The following AUTS2 variants were observed in gnomAD, a reference collection of about 807,000 sequenced individuals.
AUTS2 encodes the protein autism susceptibility gene 2 protein.
A neutral mutation model predicts 112.4 loss-of-function variants in AUTS2; 17 were observed. The ratio of observed to expected loss-of-function variants is 0.15; its 90% CI spans 0.10 to 0.23. The LOEUF (loss-of-function observed/expected upper bound fraction) is 0.23, where lower values mean the gene tolerates loss of function less well. Among genes scored for constraint, AUTS2 ranks in the 10% least tolerant of loss-of-function variants. The probability of loss-of-function intolerance (pLI) is 1.00; values close to 1 mark genes in which losing one functional copy is unlikely to be tolerated. For synonymous variants in AUTS2, 751 were observed against 702.7 expected (o/e 1.07, Z -1.09); for missense variants, 1,510 against 1,701.6 (o/e 0.89, Z 1.98).
chr7:70,276,620 C>G (rs1787942402), intron 4 of AUTS2, among the ~76,000 whole-genome samples: 1 of 152,118 alleles, frequency 6.6e-6, no homozygotes, highest in South Asian at 2.1e-4. Context: ...TTCAGGTGAC[C>G]TGCCTGCCTC....
chr7:69,755,293 C>A (rs1284300118), intron 1 of AUTS2, among the ~76,000 whole-genome samples: 4 of 152,172 alleles, frequency 2.6e-5, no homozygotes, highest in Non-Finnish European at 5.9e-5. Context: ...TGAGATGGCA[C>A]AAAGCACCGT....
intron 5 of AUTS2, among the ~76,000 whole-genome samples, chr7:70,641,148 C>G (rs1805807129): frequency 6.6e-6 from 1 of 152,182 alleles, no homozygotes; most frequent in South Asian, 2.1e-4. Flanking sequence ...TCAAGCTGTT[C>G]CTCTGGCTCA....
chr7:69,963,672 A>G (rs969533900), intron 2 of AUTS2, among the ~76,000 whole-genome samples: 3 of 152,186 alleles, frequency 2.0e-5, no homozygotes, highest in African/African-American at 7.2e-5. Context: ...CTATGAGCCT[A>G]TTTAATTCTT....
intron 5 of AUTS2, among the ~76,000 whole-genome samples, chr7:70,523,548 G>A (rs1799725411): frequency 6.6e-6 from 1 of 152,176 alleles, no homozygotes; most frequent in African/African-American, 2.4e-5. Context: ...CCTAGGTGGA[G>A]CTGCAGGAAT....
chr7:70,676,986 T>G (rs924066317), intron 5 of AUTS2, among the ~76,000 whole-genome samples: 5 of 152,226 alleles, frequency 3.3e-5, no homozygotes, highest in Admixed American at 3.3e-4. Context: ...GTTTAGAACT[T>G]AACATTTAAT....
At chr7:70,192,873 G>A (rs973778197) in intron 4 of AUTS2, among the ~76,000 whole-genome samples, 1 of 152,162 alleles carries the variant, frequency 6.6e-6, no homozygotes, top group African/African-American at 2.4e-5. Flanking sequence ...GAGTCAAAAT[G>A]ATAAAGGGAG....
At chr7:69,751,448 G>A (rs969596035) in intron 1 of AUTS2, among the ~76,000 whole-genome samples, 1 of 152,170 alleles carries the variant, frequency 6.6e-6, no homozygotes, top group Non-Finnish European at 1.5e-5. Context: ...AGGTGACAGG[G>A]ACTTACTTTT....
intron 2 of AUTS2, among the ~76,000 whole-genome samples, chr7:69,907,559 G>A (rs1795196609): frequency 1.3e-5 from 2 of 152,118 alleles, no homozygotes; most frequent in Admixed American, 1.3e-4. Context: ...TAAAAGCTAT[G>A]CAATTTGTTA....
In AUTS2 at chr7:69,995,938, G is replaced by C. The variant is rs563166041; in HGVS notation, c.522+96440G>C. Among the ~76,000 whole-genome samples the C allele has an allele frequency of 2.0e-5, 3 of 152,274 alleles. No homozygotes were observed. In the East Asian group the frequency reaches 5.8e-4, roughly 29 times the overall value. On this transcript the variant is annotated intron_variant, in intron 2 of 18. Coordinates refer to ENST00000342771, the MANE Select transcript of AUTS2 (RefSeq NM_015570.4). ...CTCTCAAATTTTCTCTTTCTCTAAG[G>C]TGGGTCCAGTAATGCGAGTCGGCAG...
At chr7:69,954,925 T>C (rs1210623841) in intron 2 of AUTS2, among the ~76,000 whole-genome samples, 6 of 152,152 alleles carry the variant, frequency 3.9e-5, no homozygotes, top group Non-Finnish European at 8.8e-5. Flanking sequence ...ATTTTGGGGG[T>C]TGTCTGTAAG....
chr7:69,968,453 C>T (rs1002242458), intron 2 of AUTS2, among the ~76,000 whole-genome samples: 2 of 152,094 alleles, frequency 1.3e-5, no homozygotes, highest in African/African-American at 4.8e-5. Flanking sequence ...TCTTCACTTA[C>T]CGGGGCTGTT....
chr7:69,618,993 G>A (rs941989663), intron 1 of AUTS2, among the ~76,000 whole-genome samples: 2 of 152,116 alleles, frequency 1.3e-5, no homozygotes, highest in African/African-American at 4.8e-5. Context: ...GCTCCCCAAG[G>A]CGAGGATTCT....
At chr7:70,486,660 G>A (rs1261120545) in intron 5 of AUTS2, among the ~76,000 whole-genome samples, 1 of 152,198 alleles carries the variant, frequency 6.6e-6, no homozygotes, top group Non-Finnish European at 1.5e-5. Context: ...TTGGGAGGCT[G>A]AGGTGGGAGG....
chr7:70,397,782 A>C (rs1794153580), intron 4 of AUTS2, among the ~76,000 whole-genome samples: 1 of 152,004 alleles, frequency 6.6e-6, no homozygotes, highest in South Asian at 2.1e-4. Context: ...CCAATTAATT[A>C]ATTTATTCTT....
chr7:70,226,076 T>A (rs1811747591), intron 4 of AUTS2, among the ~76,000 whole-genome samples: 1 of 152,222 alleles, frequency 6.6e-6, no homozygotes, highest in Non-Finnish European at 1.5e-5. Context: ...AAATGTCTAT[T>A]CATTCTTGAC....
intron 4 of AUTS2, among the ~76,000 whole-genome samples, chr7:70,337,298 C>A (rs1186896380): frequency 6.6e-6 from 1 of 152,170 alleles, no homozygotes; most frequent in Non-Finnish European, 1.5e-5. Flanking sequence ...CTTCAAAATA[C>A]CAAATGATAA....
intron 1 of AUTS2, among the ~76,000 whole-genome samples, chr7:69,767,649 A>G (rs1207370595): frequency 6.6e-6 from 1 of 152,170 alleles, no homozygotes; most frequent in Non-Finnish European, 1.5e-5. Context: ...GCCAGGTATG[A>G]CCAACCCATT....
intron 4 of AUTS2, among the ~76,000 whole-genome samples, chr7:70,276,509 G>T (rs1420729810): frequency 6.6e-6 from 1 of 151,712 alleles, no homozygotes; most frequent in African/African-American, 2.4e-5. Flanking sequence ...CTCCCGAGTA[G>T]CTGGGATTAG....
At chr7:70,728,497 T>C (rs1321413734) in intron 6 of AUTS2, among the ~76,000 whole-genome samples, 17 of 151,974 alleles carry the variant, frequency 1.1e-4, no homozygotes, top group Admixed American at 1.1e-3. Context: ...TCACCTGAGA[T>C]CAGGAGTTCG....
Sources: allele counts gnomAD v4.1 joint callset (sites outside exome capture counted in the v4.1 genomes callset), GRCh38; gene constraint gnomAD v4.1.1; transcripts MANE v1.5; gene names NCBI Gene and HGNC (gene_info 2026-07-23, HGNC 2026-07-21).